The following GAS7 variants were observed in gnomAD, a reference collection of about 807,000 sequenced individuals.
GAS7 encodes the protein growth arrest-specific protein 7.
Under a neutral mutation model 71.1 loss-of-function variants are expected in GAS7, and 28 were observed. That is an observed-to-expected ratio of 0.39 (90% CI 0.29 to 0.54). The LOEUF is 0.54. Among genes scored for constraint, GAS7 ranks in the 20% least tolerant of loss-of-function variants. The pLI is 0.62. For missense variants in GAS7, 436 were observed against 627.8 expected, an observed-to-expected ratio of 0.69 and a Z score of 3.27; for synonymous variants, 258 against 245.8, an observed-to-expected ratio of 1.05 and a Z score of -0.46.
intron 4 of GAS7, among the ~76,000 whole-genome samples, chr17:9,963,676 G>A (rs75026341): frequency 0.014 from 2,180 of 152,106 alleles, 131 homozygotes; most frequent in East Asian, 0.094. Context: ...TAGAATTCAC[G>A]AGCTATAATG....
In GAS7 at chr17:9,912,556, G is replaced by C. The variant is rs982650002; in HGVS notation, c.*4672C>G. ...CTGGGTCCCAGAAGGGAGCAGATCT[G>C]CTGGCTGAGATGCAAGCTTCAGGTT... On this transcript the variant is annotated 3_prime_UTR_variant, in exon 14 of 14. Coordinates refer to ENST00000432992, the MANE Select transcript of GAS7 (RefSeq NM_201433.2). 4.3e-6 allele frequency: 1 copy of C among 232,878 alleles called. No individual in the cohort carries two copies. Among genetic ancestry groups the C allele is most frequent in the Admixed American group, 5.6e-5 (1 of 17,752 alleles). The allele number at this position is 232,878 out of a possible 1,614,324, so 14.4% of individuals were successfully genotyped here.
chr17:9,932,062 G>A (rs1465931633), intron 9 of GAS7, among the ~76,000 whole-genome samples: 3 of 152,136 alleles, frequency 2.0e-5, no homozygotes, highest in Admixed American at 6.5e-5. Context: ...GATCAAGCAC[G>A]TGTTTAAAGA....
At chr17:9,984,117 T>TA (rs1217128305) in intron 2 of GAS7, among the ~76,000 whole-genome samples, 3 of 152,224 alleles carry the variant, frequency 2.0e-5, no homozygotes, top group African/African-American at 7.2e-5. Context: ...ATTATTTAGT[T>TA]AAAAATTCCA....
In GAS7 at chr17:9,969,145, A is replaced by G. The variant is rs951814789; in HGVS notation, c.471+532T>C. Among the ~76,000 whole-genome samples, 4 of 152,164 alleles carry G rather than the reference A, an allele frequency of 2.6e-5. No individual in the cohort carries two copies. Among genetic ancestry groups the G allele is most frequent in the African/African-American group, 9.7e-5 (4 of 41,434 alleles). ...TACCTTGAGTTGTTACTGACGCCTA[A>G]CTCACATGTTTGCATAAACATCAAG... On this transcript the variant is annotated intron_variant, in intron 4 of 13. Transcript: ENST00000432992. This position sits in a 1 kb window ranked among gnomAD's most constrained non-coding sequence, Gnocchi z 5.5.
intron 1 of GAS7, among the ~76,000 whole-genome samples, chr17:10,072,170 G>A (rs1352981596): frequency 6.6e-6 from 1 of 152,054 alleles, no homozygotes; most frequent in Non-Finnish European, 1.5e-5. Context: ...AGGGCTGGAG[G>A]TAGGGGGCTG....
At chr17:9,945,191 G>A (rs543818701) in intron 6 of GAS7, among the ~76,000 whole-genome samples, 1 of 152,094 alleles carries the variant, frequency 6.6e-6, no homozygotes, top group East Asian at 1.9e-4. Flanking sequence ...CACCCCTCTT[G>A]AGAGATGATG....
At position 10,036,600 on chromosome 17, in the gene GAS7, T is replaced by C. The variant is rs1180966217; in HGVS notation, c.184-16703A>G. On this transcript the variant is annotated intron_variant, in intron 1 of 13. Coordinates refer to ENST00000432992, the MANE Select transcript of GAS7 (RefSeq NM_201433.2). Reference sequence around the variant, plus strand: ...AGTCGCTAGCCCAGGGCCAGTGTTCTGGGCACCCCAGCGGAGGTTCCTGTG... The same window carrying C: ...AGTCGCTAGCCCAGGGCCAGTGTTCCGGGCACCCCAGCGGAGGTTCCTGTG... 4 of 1,477,252 alleles carry C rather than the reference T, an allele frequency of 2.7e-6. No individual in the cohort carries two copies. In the East Asian group the frequency reaches 9.8e-5, roughly 36 times the overall value. The allele number at this position is 1,477,252 out of a possible 1,614,324, so 91.5% of individuals were successfully genotyped here.
intron 1 of GAS7, among the ~76,000 whole-genome samples, chr17:10,165,952 A>G (rs1458328254): frequency 1.3e-5 from 2 of 151,960 alleles, no homozygotes; most frequent in Non-Finnish European, 2.9e-5. Flanking sequence ...TCGGCCTCGC[A>G]GAGGTCTCAG....
chr17:9,949,989 G>A (rs962684849), intron 5 of GAS7, among the ~76,000 whole-genome samples: 29 of 151,652 alleles, frequency 1.9e-4, no homozygotes, highest in Non-Finnish European at 4.0e-4. Flanking sequence ...AGCCTCTCCC[G>A]GGTAGCTGGG....
At chr17:9,995,174 C>T (rs1341175035) in intron 2 of GAS7, among the ~76,000 whole-genome samples, 1 of 152,194 alleles carries the variant, frequency 6.6e-6, no homozygotes, top group Non-Finnish European at 1.5e-5. Context: ...TGCTTTCATA[C>T]CTATCCCTCC....
chr17:10,040,999 T>C (rs1466339285), intron 1 of GAS7, among the ~76,000 whole-genome samples: 1 of 151,910 alleles, frequency 6.6e-6, no homozygotes, highest in Non-Finnish European at 1.5e-5. Flanking sequence ...CCACCTCTAC[T>C]AAAAATACAA....
rs2072751323 is a variant in GAS7, at chr17:10,036,364, T to G, written c.184-16467A>C. 4 of 1,249,228 alleles carry G rather than the reference T, an allele frequency of 3.2e-6. No individual in the cohort carries two copies. In the Admixed American group the frequency reaches 5.0e-5, roughly 16 times the overall value. The allele number at this position is 1,249,228 out of a possible 1,614,324, so 77.4% of individuals were successfully genotyped here. ...GAGCTGCCTCTTTACCATGGCACAG[T>G]CATTTTAGAAACATGCAGAGAAAAG... On this transcript the variant is annotated intron_variant, in intron 1 of 13. Coordinates refer to ENST00000432992, the MANE Select transcript of GAS7 (RefSeq NM_201433.2).
intron 9 of GAS7, among the ~76,000 whole-genome samples, chr17:9,932,144 G>C (rs1257489191): frequency 6.6e-6 from 1 of 151,784 alleles, no homozygotes; most frequent in Non-Finnish European, 1.5e-5. Flanking sequence ...AGAGGGAAGA[G>C]CGAGGAGGCC....
At chr17:10,075,051 T>C (rs1006892476) in intron 1 of GAS7, among the ~76,000 whole-genome samples, 2 of 152,070 alleles carry the variant, frequency 1.3e-5, no homozygotes, top group African/African-American at 2.4e-5. Context: ...TAAAGTCTGA[T>C]AAATTATAAC....
chr17:10,045,356 A>T (rs945777672), intron 1 of GAS7, among the ~76,000 whole-genome samples: 1 of 152,224 alleles, frequency 6.6e-6, no homozygotes, highest in Admixed American at 6.5e-5. Flanking sequence ...ATCATGGTAG[A>T]GTCCTAGGAC....
chr17:10,040,302 A>G (rs1407717053), intron 1 of GAS7, among the ~76,000 whole-genome samples: 1 of 152,192 alleles, frequency 6.6e-6, no homozygotes, highest in Non-Finnish European at 1.5e-5. Context: ...GCTGTGGGGG[A>G]AAAGCAGGTG....
chr17:10,164,570 G>A (rs529626470), intron 1 of GAS7, among the ~76,000 whole-genome samples: 2 of 151,870 alleles, frequency 1.3e-5, no homozygotes, highest in South Asian at 4.2e-4. Flanking sequence ...GGCTGAGCAG[G>A]AGGAGGACTG....
chr17:10,064,079 C>T (rs1021593088), intron 1 of GAS7, among the ~76,000 whole-genome samples: 1 of 152,166 alleles, frequency 6.6e-6, no homozygotes, highest in African/African-American at 2.4e-5. Flanking sequence ...AAAGATGCTC[C>T]GATAATGTGA....
intron 1 of GAS7, among the ~76,000 whole-genome samples, chr17:10,090,891 C>T (rs550196100): frequency 2.6e-5 from 4 of 152,222 alleles, no homozygotes; most frequent in African/African-American, 4.8e-5. Context: ...CTGAACACTT[C>T]GACATGCTGG....
Sources: allele counts gnomAD v4.1 joint callset (sites outside exome capture counted in the v4.1 genomes callset), GRCh38; gene constraint gnomAD v4.1.1; non-coding constraint Gnocchi (gnomAD v3.1); transcripts MANE v1.5; gene names NCBI Gene and HGNC (gene_info 2026-07-23, HGNC 2026-07-21).